The following PRDM16 variants were observed in gnomAD, a reference collection of about 807,000 sequenced individuals.
PRDM16 encodes the protein PR/SET domain 16, also known as histone-lysine N-methyltransferase PRDM16.
Under a neutral mutation model 110.6 loss-of-function variants are expected in PRDM16, and 23 were observed. That is an observed-to-expected ratio of 0.21 (90% confidence interval 0.15 to 0.29). PRDM16 has a LOEUF of 0.29. PRDM16 is among the 10% of genes least tolerant of loss of function. PRDM16 has a pLI of 1.00. For synonymous variants in PRDM16, 799 were observed against 781.8 expected, an observed-to-expected ratio of 1.02 and a Z score of -0.37; for missense variants, 1,615 against 1,794.3, an observed-to-expected ratio of 0.90 and a Z score of 1.81.
chr1:3,132,738 G>A (rs1643359765), intron 1 of PRDM16, among the ~76,000 whole-genome samples: 1 of 152,164 alleles, frequency 6.6e-6, no homozygotes, highest in South Asian at 2.1e-4. Context: ...AATTATGTTG[G>A]AAGTAAAGTG....
intron 2 of PRDM16, among the ~76,000 whole-genome samples, chr1:3,196,178 G>A (rs1376782498): frequency 6.6e-6 from 1 of 152,226 alleles, no homozygotes. Context: ...GCGGCAGCTG[G>A]GCCCAGACCC....
intron 3 of PRDM16, among the ~76,000 whole-genome samples, chr1:3,272,565 C>T (rs890512278): frequency 2.0e-5 from 3 of 152,214 alleles, no homozygotes; most frequent in Non-Finnish European, 4.4e-5. Context: ...TCCAAAGGGA[C>T]GTCCCGCCAG....
chr1:3,074,338 C>T (rs1408619264), intron 1 of PRDM16, among the ~76,000 whole-genome samples: 1 of 152,162 alleles, frequency 6.6e-6, no homozygotes, highest in East Asian at 1.9e-4. Context: ...ATGAAGACCT[C>T]CAGGGCTTCT....
chr1:3,314,634 T>G (rs1031389943), intron 3 of PRDM16, among the ~76,000 whole-genome samples: 32 of 151,012 alleles, frequency 2.1e-4, no homozygotes, highest in Admixed American at 9.9e-4. Flanking sequence ...AGGCTGGGGG[T>G]TTTTGTGTGT....
chr1:3,095,501 G>A (rs1642375555), intron 1 of PRDM16, among the ~76,000 whole-genome samples: 2 of 152,140 alleles, frequency 1.3e-5, no homozygotes, highest in Admixed American at 1.3e-4. Flanking sequence ...GCTGTGTCCC[G>A]GGGCAGCCCA....
chr1:3,164,452 G>A (rs1323552686), intron 1 of PRDM16, among the ~76,000 whole-genome samples: 3 of 152,194 alleles, frequency 2.0e-5, no homozygotes, highest in South Asian at 2.1e-4. Flanking sequence ...GGAGGGCACC[G>A]AGGGCCATGG....
intron 2 of PRDM16, among the ~76,000 whole-genome samples, chr1:3,226,749 C>T (rs1639296389): frequency 6.6e-6 from 1 of 152,156 alleles, no homozygotes; most frequent in Non-Finnish European, 1.5e-5. Flanking sequence ...CACTTAAATG[C>T]CGCAGACATA....
In PRDM16 at chr1:3,246,908, C is replaced by A. The variant is rs182298891; in HGVS notation, c.438+2771C>A. Among the ~76,000 whole-genome samples the A allele has an allele frequency of 6.6e-6, 1 of 152,118 alleles. No individual in the cohort carries two copies. The highest frequency in any genetic ancestry group is 1.9e-4 in the East Asian group (1 of 5,180). On this transcript the variant is annotated intron_variant, in intron 3 of 16. Transcript: ENST00000270722. The surrounding 1 kb of genome is among the most constrained non-coding windows in gnomAD (Gnocchi z 5.2). Reference sequence around the variant, plus strand: ...CAGGAAGACCAGGACAGACAGCCCTCGAGTGGGCGTCAGTCCAGACGGAGA... The same window carrying A: ...CAGGAAGACCAGGACAGACAGCCCTAGAGTGGGCGTCAGTCCAGACGGAGA...
At chr1:3,177,613 A>G (rs994826464) in intron 1 of PRDM16, among the ~76,000 whole-genome samples, 2 of 152,208 alleles carry the variant, frequency 1.3e-5, no homozygotes, top group Non-Finnish European at 2.9e-5. Flanking sequence ...GCAGCCGGCC[A>G]GTCCCCAGGA....
chr1:3,192,616 C>T (rs537917806), intron 2 of PRDM16, among the ~76,000 whole-genome samples: 24 of 152,196 alleles, frequency 1.6e-4, no homozygotes, highest in Middle Eastern at 3.4e-3. Context: ...ACCCCTCCGT[C>T]GGTCCTGGGC....
At chr1:3,230,766 G>A (rs896262568) in intron 2 of PRDM16, among the ~76,000 whole-genome samples, 2 of 152,320 alleles carry the variant, frequency 1.3e-5, no homozygotes, top group African/African-American at 2.4e-5. Flanking sequence ...TGGTGCCTGC[G>A]CACCTTCCTT....
chr1:3,327,211 A>T (rs1488606191), intron 3 of PRDM16, among the ~76,000 whole-genome samples: 1 of 152,184 alleles, frequency 6.6e-6, no homozygotes, highest in East Asian at 1.9e-4. Flanking sequence ...GTGGCCTTTT[A>T]AGACTCTGGA....
At position 3,296,933 on chromosome 1, in the gene PRDM16, A is replaced by G. The variant is rs890515687; in HGVS notation, c.438+52796A>G. Among the ~76,000 whole-genome samples, 10 of 152,264 alleles carry G rather than the reference A, an allele frequency of 6.6e-5. No individual in the cohort carries two copies. In the East Asian group the frequency reaches 7.7e-4, roughly 12 times the overall value. ...CTCACCCACCTTAACGCGCTCAGACACTCATATCAGCCTACAGCTGGGCAA... is the reference window on the plus strand; with the variant it reads ...CTCACCCACCTTAACGCGCTCAGACGCTCATATCAGCCTACAGCTGGGCAA... On this transcript the variant is annotated intron_variant, in intron 3 of 16. Transcript: ENST00000270722.
chr1:3,327,670 A>G (rs1350130334), intron 3 of PRDM16, among the ~76,000 whole-genome samples: 1 of 128,058 alleles, frequency 7.8e-6, no homozygotes, highest in Non-Finnish European at 1.7e-5. Flanking sequence ...GGATGGGCAC[A>G]GTGGATGATG....
chr1:3,207,343 G>A (rs1638777367), intron 2 of PRDM16: 1 of 152,232 alleles, frequency 6.6e-6, no homozygotes, highest in South Asian at 2.1e-4. Context: ...TACGACCTTG[G>A]GAACATTGGC....
At chr1:3,174,321 A>G (rs549804306) in intron 1 of PRDM16, among the ~76,000 whole-genome samples, 1 of 152,186 alleles carries the variant, frequency 6.6e-6, no homozygotes, top group Admixed American at 6.5e-5. Context: ...TTACCACTAT[A>G]AAGACCTTAT....
intron 2 of PRDM16, among the ~76,000 whole-genome samples, chr1:3,238,913 T>C (rs1282705289): frequency 1.3e-5 from 2 of 151,966 alleles, no homozygotes; most frequent in Non-Finnish European, 2.9e-5. Context: ...CTGCAGCCCC[T>C]GTTTCCCGTC....
intron 2 of PRDM16, among the ~76,000 whole-genome samples, chr1:3,216,290 C>T (rs769497105): frequency 1.9e-4 from 29 of 152,108 alleles, no homozygotes; most frequent in Admixed American, 5.2e-4. Context: ...GCGTCCAACC[C>T]GCAGAAAGTA....
intron 2 of PRDM16, among the ~76,000 whole-genome samples, chr1:3,195,714 G>A (rs10909892): frequency 0.18 from 28,043 of 152,088 alleles, 3,654 homozygotes; most frequent in African/African-American, 0.37. Flanking sequence ...GCCAGAAGCA[G>A]GAGGGAGAAG....
Sources: allele counts gnomAD v4.1 joint callset (sites outside exome capture counted in the v4.1 genomes callset), GRCh38; gene constraint gnomAD v4.1.1; non-coding constraint Gnocchi (gnomAD v3.1); transcripts MANE v1.5; gene names NCBI Gene and HGNC (gene_info 2026-07-23, HGNC 2026-07-21).